The following IFT43 variants were observed in gnomAD, a reference collection of about 807,000 sequenced individuals.
The protein encoded by IFT43 is intraflagellar transport protein 43 homolog.
IFT43 carries 33 observed loss-of-function variants against 32.3 expected under a neutral mutation model. That is an observed-to-expected ratio of 1.02 (90% CI 0.77 to 1.37). The LOEUF (loss-of-function observed/expected upper bound fraction) is 1.37. IFT43 is among the 40% of genes most tolerant of loss of function. The probability of loss-of-function intolerance (pLI) is 0.00; values close to 1 mark genes in which losing one functional copy is unlikely to be tolerated. For synonymous variants in IFT43, 93 were observed against 98.2 expected, an observed-to-expected ratio of 0.95 and a Z score of 0.31; for missense variants, 274 against 265.9, an observed-to-expected ratio of 1.03 and a Z score of -0.21.
intron 1 of IFT43, chr14:75,986,057 T>G (rs539421151): frequency 7.3e-6 from 11 of 1,510,366 alleles, no homozygotes; most frequent in Non-Finnish European, 9.7e-6. Flanking sequence ...CCTCAGAAAG[T>G]AGAAAACACC....
intron 3 of IFT43, among the ~76,000 whole-genome samples, chr14:76,032,306 C>T (rs911685451): frequency 3.3e-5 from 5 of 152,324 alleles, no homozygotes; most frequent in African/African-American, 9.6e-5. Flanking sequence ...AACTTCCTGA[C>T]GAGGCTCCCT....
At chr14:75,997,968 A>T (rs1412495051) in intron 2 of IFT43, among the ~76,000 whole-genome samples, 1 of 152,226 alleles carries the variant, frequency 6.6e-6, no homozygotes, top group Non-Finnish European at 1.5e-5. Context: ...AAAACAAAAC[A>T]AAACAAAACC....
Position 76,082,319 on chromosome 14 carries a change from A to T in IFT43, c.320A>T (p.Glu107Val). Residue 107 changes from glutamate to valine, a missense_variant, in exon 6 of 9, where the codon GAG becomes GTG. Transcript: ENST00000314067. ...GGDIPIIPDL[E>V]EVQEEDFVLQ... ...GATATTCCTATCATTCCGGATCTGGAGGAAGTACAGGAAGAAGACTTTGTT... is the reference window on the plus strand; with the variant it reads ...GATATTCCTATCATTCCGGATCTGGTGGAAGTACAGGAAGAAGACTTTGTT... The T allele has an allele frequency of 6.2e-7, 1 of 1,613,900 alleles. No individual in the cohort carries two copies. The highest frequency in any genetic ancestry group is 8.5e-7 in the Non-Finnish European group (1 of 1,179,774).
chr14:76,028,587 C>A (rs2036449699), intron 3 of IFT43, among the ~76,000 whole-genome samples: 1 of 151,932 alleles, frequency 6.6e-6, no homozygotes, highest in Non-Finnish European at 1.5e-5. Flanking sequence ...GCACAGTACC[C>A]AATAGGAAGC....
intron 2 of IFT43, among the ~76,000 whole-genome samples, chr14:76,011,561 A>G (rs1000976366): frequency 6.6e-6 from 1 of 152,220 alleles, no homozygotes; most frequent in Non-Finnish European, 1.5e-5. Flanking sequence ...ATATGGGTTG[A>G]TTCTTTGGCA....
intron 3 of IFT43, among the ~76,000 whole-genome samples, chr14:76,026,412 G>C (rs2036395360): frequency 6.6e-6 from 1 of 152,066 alleles, no homozygotes; most frequent in South Asian, 2.1e-4. Context: ...TACGAAATTA[G>C]TGGGGCATGG....
At chr14:76,055,950 C>T (rs968141492) in intron 3 of IFT43, among the ~76,000 whole-genome samples, 6 of 151,990 alleles carry the variant, frequency 3.9e-5, no homozygotes, top group Non-Finnish European at 4.4e-5. Flanking sequence ...AATGCGGGGT[C>T]GGGGGAGCTC....
At chr14:76,072,978 G>A (rs76358950) in intron 5 of IFT43, among the ~76,000 whole-genome samples, 6,670 of 152,258 alleles carry the variant, frequency 0.044, 190 homozygotes, top group Non-Finnish European at 0.062. Flanking sequence ...ATGAGGATGC[G>A]AGCAGGAGAG....
chr14:76,047,089 G>A (rs2036821035), intron 3 of IFT43, among the ~76,000 whole-genome samples: 1 of 152,192 alleles, frequency 6.6e-6, no homozygotes. Context: ...CATCCCTGAG[G>A]GTGGAGTCCT....
intron 3 of IFT43, among the ~76,000 whole-genome samples, chr14:76,033,502 CT>C (rs1035041099): frequency 5.9e-5 from 9 of 152,180 alleles, no homozygotes; most frequent in South Asian, 2.1e-4. Flanking sequence ...AGAGAATTTC[CT>C]TTTGGTTTGG....
At chr14:75,989,120 G>C in intron 2 of IFT43, 143 bp downstream of exon 2, 1 of 1,090,846 alleles carries the variant, frequency 9.2e-7, no homozygotes, top group Admixed American at 2.0e-5. Flanking sequence ...TCCCTTCCTT[G>C]GCATTTGTCC....
chr14:75,999,274 TATATATA>T (rs1236543748), intron 2 of IFT43, among the ~76,000 whole-genome samples: 258 of 16,524 alleles, frequency 0.016, 7 homozygotes, highest in Non-Finnish European at 0.017. Context: ...TATATATATG[TATATATA>T]TTTTTTTTTT....
intron 1 of IFT43, among the ~76,000 whole-genome samples, chr14:75,987,957 T>C (rs1327678909): frequency 2.0e-5 from 3 of 152,232 alleles, no homozygotes; most frequent in African/African-American, 7.2e-5. Flanking sequence ...TTAGGAATTC[T>C]TTCCAAAAGC....
At chr14:76,043,825 A>G (rs942847857) in intron 3 of IFT43, among the ~76,000 whole-genome samples, 2 of 152,148 alleles carry the variant, frequency 1.3e-5, no homozygotes, top group Admixed American at 6.6e-5. Flanking sequence ...ATCAGATCTC[A>G]CAGGTTCAGA....
chr14:75,999,132 A>C (rs2035801751), intron 2 of IFT43, among the ~76,000 whole-genome samples: 1 of 129,454 alleles, frequency 7.7e-6, no homozygotes, highest in Non-Finnish European at 1.7e-5. Flanking sequence ...CCTCTTAACC[A>C]GTGATAACAA....
chr14:75,999,230 TATATA>T, intron 2 of IFT43, among the ~76,000 whole-genome samples: 1 of 4,938 alleles, frequency 2.0e-4, no homozygotes, highest in African/African-American at 1.7e-3. Context: ...ATTCATTTTA[TATATA>T]TATATATATA....
rs1310784019 is a variant in IFT43, at chr14:75,989,085, C to G, written c.147+108C>G. On this transcript the variant is annotated intron_variant, in intron 2 of 8. Transcript: ENST00000314067. ...ATATTTCTTCTCTTGAATGCCAACCCTTTCTCCTGTCTTGATTTGGGAATT... is the reference window on the plus strand; with the variant it reads ...ATATTTCTTCTCTTGAATGCCAACCGTTTCTCCTGTCTTGATTTGGGAATT... The G allele has an allele frequency of 4.5e-6, 6 of 1,332,430 alleles. No homozygotes were observed. In the South Asian group the frequency reaches 6.2e-5, roughly 14 times the overall value. 82.5% of individuals were successfully genotyped at this position (1,332,430 alleles called of 1,614,324 possible). A position where few individuals can be genotyped will look rare whatever the true frequency, so the allele number is the denominator to read the frequency against.
At chr14:76,008,469 G>T (rs943989030) in intron 2 of IFT43, among the ~76,000 whole-genome samples, 1 of 152,136 alleles carries the variant, frequency 6.6e-6, no homozygotes, top group Non-Finnish European at 1.5e-5. Context: ...CAGTAGACCT[G>T]CAAGGGACTC....
At chr14:76,030,658 G>C (rs2036493667) in intron 3 of IFT43, among the ~76,000 whole-genome samples, 1 of 152,138 alleles carries the variant, frequency 6.6e-6, no homozygotes, top group Non-Finnish European at 1.5e-5. Context: ...AGATTTCTTT[G>C]TGGTTCTTTT....
Sources: gnomAD v4.1 joint callset for allele counts (sites outside exome capture counted in the v4.1 genomes callset) on GRCh38, gnomAD v4.1.1 for gene constraint, MANE v1.5 for transcripts, NCBI Gene and HGNC (gene_info 2026-07-23, HGNC 2026-07-21) for gene names.